The following PTPRQ variants were observed in gnomAD, a reference collection of about 807,000 sequenced individuals.
The protein encoded by PTPRQ is protein tyrosine phosphatase receptor type Q.
A neutral mutation model predicts 246.0 loss-of-function variants in PTPRQ; 199 were observed. That is an observed-to-expected ratio of 0.81 (90% CI 0.72 to 0.91). The LOEUF is 0.91. PTPRQ is among the 40% of genes least tolerant of loss of function. The pLI, the probability that PTPRQ is intolerant of heterozygous loss-of-function variation, is 0.00. For missense variants in PTPRQ, 2,624 were observed against 2,528.4 expected (o/e 1.04, Z -0.81); for synonymous variants, 869 against 853.2 (o/e 1.02, Z -0.32).
At chr12:80,604,905 T>A (rs1898259273) in intron 26 of PTPRQ, among the ~76,000 whole-genome samples, 154 bp from the exon 27 acceptor site, 1 of 151,582 alleles carries the variant, frequency 6.6e-6, no homozygotes, top group East Asian at 1.9e-4. Flanking sequence ...ATCTTTTTAT[T>A]TGGTAATGCC....
At chr12:80,565,173 ATTATC>A in intron 25 of PTPRQ, among the ~76,000 whole-genome samples, 1 of 152,188 alleles carries the variant, frequency 6.6e-6, no homozygotes. Flanking sequence ...CTATTTTGAA[ATTATC>A]TTAGGTATCA....
At chr12:80,584,018 A>T (rs1243822475) in intron 25 of PTPRQ, 2 of 152,188 alleles carry the variant, frequency 1.3e-5, no homozygotes, top group African/African-American at 4.8e-5. Context: ...CCATCTCTTT[A>T]AAGCTTTGAC....
intron 28 of PTPRQ, among the ~76,000 whole-genome samples, chr12:80,611,652 G>A (rs1898556268): frequency 6.7e-6 from 1 of 150,146 alleles, no homozygotes; most frequent in Non-Finnish European, 1.5e-5. Context: ...TCTGTTTCAA[G>A]GATATCACAA....
intron 43 of PTPRQ, 143 bp downstream of exon 43, chr12:80,673,447 G>A (rs1242993674): frequency 6.3e-5 from 82 of 1,299,922 alleles, no homozygotes; most frequent in Middle Eastern, 1.9e-4. Context: ...GGGAGGATTC[G>A]GGAGGGCAGC....
chr12:80,632,409 TAG>T (rs1899474082), intron 34 of PTPRQ, 118 bp downstream of exon 34: 1 of 1,363,428 alleles, frequency 7.3e-7, no homozygotes, highest in South Asian at 1.4e-5. Context: ...TTATTTTTAA[TAG>T]ACAGATAAAA....
At chr12:80,526,351 A>G (rs548361253) in intron 17 of PTPRQ, among the ~76,000 whole-genome samples, 73 of 152,166 alleles carry the variant, frequency 4.8e-4, no homozygotes, top group Non-Finnish European at 8.8e-4. Context: ...CTTTCAGAAG[A>G]GTCAGTTGGA....
At chr12:80,521,754 TG>T (rs1895498675) in intron 17 of PTPRQ, among the ~76,000 whole-genome samples, 1 of 152,218 alleles carries the variant, frequency 6.6e-6, no homozygotes. Context: ...CATGCTGTTT[TG>T]GTTACAGTAG....
At chr12:80,520,245 G>T (rs1895431321) in intron 17 of PTPRQ, among the ~76,000 whole-genome samples, 2 of 152,074 alleles carry the variant, frequency 1.3e-5, no homozygotes, top group African/African-American at 4.8e-5. Context: ...GGAGATAATT[G>T]AATCCTGTGG....
At chr12:80,634,186 T>C (rs560551177) in intron 34 of PTPRQ, among the ~76,000 whole-genome samples, 1 of 152,186 alleles carries the variant, frequency 6.6e-6, no homozygotes, top group Non-Finnish European at 1.5e-5. Flanking sequence ...TAAATTGTAA[T>C]GTCTTTGAGG....
At chr12:80,654,324 C>G (rs1003154314) in intron 38 of PTPRQ, among the ~76,000 whole-genome samples, 1 of 152,122 alleles carries the variant, frequency 6.6e-6, no homozygotes, top group Non-Finnish European at 1.5e-5. Flanking sequence ...ATTTCTAAGA[C>G]CAGGACATTT....
At chr12:80,608,616 A>T (rs1019534669) in intron 27 of PTPRQ, among the ~76,000 whole-genome samples, 4 of 148,994 alleles carry the variant, frequency 2.7e-5, no homozygotes, top group Admixed American at 2.7e-4. Context: ...AATTTATAAG[A>T]TCAAACCCAG....
intron 32 of PTPRQ, 22 bp from the exon 33 acceptor site, chr12:80,622,039 T>C: frequency 7.6e-7 from 1 of 1,322,802 alleles, no homozygotes; most frequent in South Asian, 1.7e-5. Context: ...AAAGTGTTGA[T>C]TTTTCTTTTT....
chr12:80,571,389 T>C (rs1335241471), intron 25 of PTPRQ, among the ~76,000 whole-genome samples: 1 of 152,212 alleles, frequency 6.6e-6, no homozygotes, highest in African/African-American at 2.4e-5. Flanking sequence ...CTACCAGCCT[T>C]GGACTCCCAA....
chr12:80,660,694 A>G (rs1900600422), intron 39 of PTPRQ, among the ~76,000 whole-genome samples: 1 of 152,000 alleles, frequency 6.6e-6, no homozygotes, highest in Non-Finnish European at 1.5e-5. Context: ...CTATCATGCA[A>G]ATGGTTGCAG....
intron 8 of PTPRQ, among the ~76,000 whole-genome samples, chr12:80,472,978 G>A (rs917626540): frequency 4.6e-5 from 7 of 151,512 alleles, no homozygotes; most frequent in African/African-American, 1.7e-4. Flanking sequence ...TTGTTTGTGT[G>A]GAAGCTAACA....
chr12:80,631,842 A>G (rs1052644774), intron 33 of PTPRQ, among the ~76,000 whole-genome samples: 1 of 152,184 alleles, frequency 6.6e-6, no homozygotes, highest in Non-Finnish European at 1.5e-5. Flanking sequence ...TATCAATTTA[A>G]CATTTTAAGT....
rs57368703 is a variant in PTPRQ at position 80,656,070 on chromosome 12, A to G, written c.6116-1915A>G. Among the ~76,000 whole-genome samples, 1,243 of 152,232 alleles carry G rather than the reference A, an allele frequency of 8.2e-3. 14 individuals carry two copies. The highest frequency in any genetic ancestry group is 0.029 in the African/African-American group (1,196 of 41,536). ...AAGGAGGTGTATCTAGTGAATAGAA[A>G]CATAATGATTCTCTTCCTTAGTAAC... On this transcript the variant is annotated intron_variant, in intron 38 of 44. Transcript: ENST00000644991.
intron 25 of PTPRQ, among the ~76,000 whole-genome samples, chr12:80,574,816 G>A (rs1897240867): frequency 6.6e-6 from 1 of 152,114 alleles, no homozygotes; most frequent in Admixed American, 6.5e-5. Context: ...TGCACACTCG[G>A]TTTTTCAGCT....
chr12:80,628,413 C>A (rs896959751), intron 33 of PTPRQ, among the ~76,000 whole-genome samples: 7 of 152,050 alleles, frequency 4.6e-5, no homozygotes, highest in Non-Finnish European at 1.0e-4. Flanking sequence ...AGCATTAATA[C>A]GTGCCTATTT....
Sources: allele counts gnomAD v4.1 joint callset (sites outside exome capture counted in the v4.1 genomes callset), GRCh38; gene constraint gnomAD v4.1.1; transcripts MANE v1.5; gene names NCBI Gene and HGNC (gene_info 2026-07-23, HGNC 2026-07-21).